STYX: variants seen among roughly 807,000 people sequenced by gnomAD.
The protein encoded by STYX is serine/threonine/tyrosine interacting protein.
STYX carries 20 observed loss-of-function variants against 42.7 expected under a neutral mutation model. The observed-to-expected ratio is 0.47, with a 90% CI of 0.33 to 0.68. The LOEUF (loss-of-function observed/expected upper bound fraction) is 0.68, where lower values mean the gene tolerates loss of function less well. Among genes scored for constraint, STYX ranks in the 30% least tolerant of loss-of-function variants. The probability of loss-of-function intolerance (pLI) is 0.02; values close to 1 mark genes in which losing one functional copy is unlikely to be tolerated. For synonymous variants in STYX, 78 were observed against 81.9 expected (o/e 0.95, Z 0.26); for missense variants, 226 against 268.5 (o/e 0.84, Z 1.11).
At chr14:52,732,262 C>T (rs1880754794) in intron 1 of STYX, among the ~76,000 whole-genome samples, 1 of 137,454 alleles carries the variant, frequency 7.3e-6, no homozygotes, top group Non-Finnish European at 1.5e-5. Context: ...ACCGCCAGGC[C>T]CAGCTTTTTT....
chr14:52,747,608 A>G (rs905368238), intron 3 of STYX, among the ~76,000 whole-genome samples: 8 of 152,230 alleles, frequency 5.3e-5, no homozygotes, highest in Admixed American at 2.0e-4. Flanking sequence ...TTGTCCATAT[A>G]ATTTGCTATT....
chr14:52,739,216 A>G (rs1365300535), intron 1 of STYX, among the ~76,000 whole-genome samples: 2 of 151,674 alleles, frequency 1.3e-5, no homozygotes, highest in African/African-American at 2.4e-5. Context: ...AGTTTATTTC[A>G]TAGACTGTTA....
At chr14:52,734,433 G>A (rs1880866020) in intron 1 of STYX, among the ~76,000 whole-genome samples, 2 of 152,138 alleles carry the variant, frequency 1.3e-5, no homozygotes, top group Non-Finnish European at 2.9e-5. Context: ...GAGGCTGAGA[G>A]TTCAACCCTC....
chr14:52,754,811 TTTTAAA>T (rs1881786151), intron 4 of STYX, among the ~76,000 whole-genome samples: 1 of 152,226 alleles, frequency 6.6e-6, no homozygotes, highest in Non-Finnish European at 1.5e-5. Flanking sequence ...AGACTTTTTG[TTTTAAA>T]TTATAATGTT....
intron 2 of STYX, among the ~76,000 whole-genome samples, chr14:52,745,376 C>T (rs1365468555): frequency 1.3e-5 from 2 of 152,194 alleles, no homozygotes; most frequent in East Asian, 3.9e-4. Flanking sequence ...CTCAGGTGAT[C>T]CACCCACCTT....
intron 9 of STYX, among the ~76,000 whole-genome samples, chr14:52,764,798 A>G (rs1203116507): frequency 6.6e-6 from 1 of 150,512 alleles, no homozygotes; most frequent in East Asian, 2.0e-4. Context: ...CCTCCCGAGT[A>G]GCTGGGATTA....
chr14:52,733,411 T>C (rs1156878021), intron 1 of STYX, among the ~76,000 whole-genome samples: 1 of 152,152 alleles, frequency 6.6e-6, no homozygotes, highest in African/African-American at 2.4e-5. Flanking sequence ...ATGAACTGAA[T>C]GTCCCATAAT....
rs1325593801 is a variant in STYX at position 52,769,470 on chromosome 14, T to A, written c.598+537T>A. On this transcript the variant is annotated intron_variant, in intron 10 of 10. Transcript: ENST00000354586. ...CTACCCTGCAGTTCACTTCAATCTT[T>A]GAACCAACAGTTATATAAGGTAGTA... Among the ~76,000 whole-genome samples, 3 of 152,108 alleles carry A rather than the reference T, an allele frequency of 2.0e-5. No homozygotes were observed. The East Asian group carries it at 5.8e-4, about 29-fold the overall frequency.
In STYX at chr14:52,746,469, T is replaced by A; in HGVS notation, c.134T>A (p.Met45Lys). ...GLFLGPYSSAMKSKLPVLQKH... is the reference protein window; with the variant it reads ...GLFLGPYSSAKKSKLPVLQKH... ...TTCTTAGGCCCATATTCATCTGCTATGAAAAGCAAGGTATGAACTTTGTTA... is the reference window on the plus strand; with the variant it reads ...TTCTTAGGCCCATATTCATCTGCTAAGAAAAGCAAGGTATGAACTTTGTTA... The change falls in exon 3 of 11, where the codon ATG (methionine) becomes AAG (lysine). Residue 45 changes from methionine to lysine, a missense_variant. Physicochemically the swap from Met to Lys is moderately conservative, Grantham distance 95 (BLOSUM62 -1). Transcript: ENST00000354586. 6.4e-7 allele frequency: 1 copy of A among 1,554,566 alleles called. No individual in the cohort carries two copies. The highest frequency in any genetic ancestry group is 8.6e-7 in the Non-Finnish European group (1 of 1,161,318).
chr14:52,739,496 A>G (rs906974453), intron 1 of STYX, among the ~76,000 whole-genome samples: 1 of 152,170 alleles, frequency 6.6e-6, no homozygotes, highest in African/African-American at 2.4e-5. Context: ...AATAACATTT[A>G]GTGCAGTAGA....
At chr14:52,752,854 T>C (rs183057166) in intron 4 of STYX, among the ~76,000 whole-genome samples, 189 of 150,664 alleles carry the variant, frequency 1.3e-3, no homozygotes, top group African/African-American at 4.5e-3. Context: ...TTCTTTCGTT[T>C]TTAATTTTGT....
At position 52,768,687 on chromosome 14, in the gene STYX, C is replaced by T. The variant is rs568510211; in HGVS notation, c.505-153C>T. On this transcript the variant is annotated intron_variant, in intron 9 of 10. Coordinates refer to ENST00000354586, the MANE Select transcript of STYX (RefSeq NM_145251.4). Reference sequence around the variant, plus strand: ...TATCAGTAGTTCTGAATTTATGAGACAGGAATTTTAAACTTCCATTTCTCT... The same window carrying T: ...TATCAGTAGTTCTGAATTTATGAGATAGGAATTTTAAACTTCCATTTCTCT... Among the ~76,000 whole-genome samples the T allele has an allele frequency of 9.1e-4, 139 of 152,140 alleles. 4 individuals are homozygous for T. The South Asian group carries it at 0.028, about 31-fold the overall frequency.
intron 4 of STYX, among the ~76,000 whole-genome samples, chr14:52,754,956 A>C (rs1263801495): frequency 6.6e-6 from 1 of 152,160 alleles, no homozygotes; most frequent in Admixed American, 6.5e-5. Flanking sequence ...TAAAATATTT[A>C]ATTTCATTCT....
intron 1 of STYX, among the ~76,000 whole-genome samples, chr14:52,738,472 C>T (rs2139882849): frequency 6.6e-6 from 1 of 152,266 alleles, no homozygotes; most frequent in South Asian, 2.1e-4. Context: ...CATTCTATCC[C>T]ATATGTGCCT....
intron 9 of STYX, among the ~76,000 whole-genome samples, chr14:52,760,327 C>T (rs930095886): frequency 1.7e-4 from 26 of 151,644 alleles, no homozygotes; most frequent in African/African-American, 6.0e-4. Context: ...TTTTGTTGTT[C>T]ATTTTGATCA....
At chr14:52,746,504 A>G (rs1447793631) in intron 3 of STYX, 25 bp downstream of exon 3, 3 of 1,546,936 alleles carry the variant, frequency 1.9e-6, no homozygotes, top group Non-Finnish European at 2.6e-6. Flanking sequence ...AGATTCATCA[A>G]GAGAGACTTT....
At chr14:52,744,811 T>G in intron 1 of STYX, 41 bp from the exon 2 acceptor site, 1 of 1,603,670 alleles carries the variant, frequency 6.2e-7, no homozygotes, top group Non-Finnish European at 8.5e-7. Flanking sequence ...GGGTGACTTT[T>G]TAAATGTTAT....
intron 9 of STYX, among the ~76,000 whole-genome samples, chr14:52,767,266 C>T (rs979014684): frequency 6.6e-6 from 1 of 152,146 alleles, no homozygotes; most frequent in Admixed American, 6.5e-5. Flanking sequence ...AGGGCCAGTC[C>T]TCTCATGACC....
chr14:52,761,716 G>A (rs143544119), intron 9 of STYX, among the ~76,000 whole-genome samples: 28,396 of 149,856 alleles, frequency 0.19, 2,894 homozygotes, highest in South Asian at 0.3. Flanking sequence ...TTACAGGCAC[G>A]TGCCACCACG....
Sources: gnomAD v4.1 joint callset for allele counts (sites outside exome capture counted in the v4.1 genomes callset) on GRCh38, gnomAD v4.1.1 for gene constraint, MANE v1.5 for transcripts, NCBI Gene and HGNC (gene_info 2026-07-23, HGNC 2026-07-21) for gene names.